Variants in CRYBG3 observed in about 807,000 individuals in gnomAD.
CRYBG3 encodes the protein very large A-kinase anchor protein.
In CRYBG3, 127 loss-of-function variants were observed where a neutral mutation model predicts 244.2. The ratio of observed to expected loss-of-function variants is 0.52; its 90% CI spans 0.45 to 0.60. CRYBG3 has a LOEUF of 0.60. Ranked by LOEUF, CRYBG3 falls within the 20% of genes least tolerant of loss-of-function variation. CRYBG3 has a pLI of 0.00. For missense variants in CRYBG3, 3,325 were observed against 3,442.5 expected (o/e 0.97, Z 0.85); for synonymous variants, 1,132 against 1,195.8 (o/e 0.95, Z 1.10).
At chr3:97,837,583 A>G (rs2038752226) in intron 1 of CRYBG3, among the ~76,000 whole-genome samples, 1 of 152,120 alleles carries the variant, frequency 6.6e-6, no homozygotes, top group Admixed American at 6.6e-5. Context: ...GGGGTTGGAA[A>G]CAAAGGAGAG....
At position 97,868,009 on chromosome 3, in the gene CRYBG3, G is replaced by A. The variant is rs528723419; in HGVS notation, c.647+3362G>A. On this transcript the variant is annotated intron_variant, in intron 3 of 21. Transcript: ENST00000389622. Reference sequence around the variant, plus strand: ...TAAGATTATTTAATTTGTTGGGCACGGCGGTGGCTCACGCCTGTAATCCCA... The same window carrying A: ...TAAGATTATTTAATTTGTTGGGCACAGCGGTGGCTCACGCCTGTAATCCCA... Among the ~76,000 whole-genome samples the A allele has an allele frequency of 4.6e-5, 7 of 152,204 alleles. No individual in the cohort carries two copies. In the South Asian group the frequency reaches 1.2e-3, roughly 27 times the overall value.
At position 97,935,762 on chromosome 3, in the gene CRYBG3, C is replaced by G. The variant is rs151208540; in HGVS notation, c.8382-1023C>G. ...TCCTAAGCCCTGGATGACCCTGTTCCTGAGCTCTGGTCCATCTGATAAGCA... is the reference window on the plus strand; with the variant it reads ...TCCTAAGCCCTGGATGACCCTGTTCGTGAGCTCTGGTCCATCTGATAAGCA... On this transcript the variant is annotated intron_variant, in intron 18 of 21. Transcript: ENST00000389622. Among the ~76,000 whole-genome samples, 6 of 152,156 alleles carry G rather than the reference C, an allele frequency of 3.9e-5. No homozygotes were observed. In the East Asian group the frequency reaches 1.2e-3, roughly 30 times the overall value.
At chr3:97,900,920 A>G (rs571234375) in intron 15 of CRYBG3, among the ~76,000 whole-genome samples, 99 of 152,158 alleles carry the variant, frequency 6.5e-4, no homozygotes, top group Admixed American at 2.1e-3. Context: ...TGAACTTGAA[A>G]CCCTATATTC....
chr3:97,925,709 TG>T (rs2040033245), intron 17 of CRYBG3, among the ~76,000 whole-genome samples: 1 of 152,044 alleles, frequency 6.6e-6, no homozygotes, highest in South Asian at 2.1e-4. Context: ...CTGGGGGTGG[TG>T]GGAGTTTAAA....
chr3:97,941,354 AT>A, intron 20 of CRYBG3, 48 bp downstream of exon 20: 1 of 1,421,762 alleles, frequency 7.0e-7, no homozygotes, highest in Non-Finnish European at 9.4e-7. Flanking sequence ...TCTGTTTTTT[AT>A]TTTGAAAACT....
chr3:97,877,546 A>T lies in CRYBG3; in HGVS notation c.6352A>T (p.Asn2118Tyr). ...HGPRKSRDSE[N>Y]QSSSVLSLLQ... ...CCCCAGGAAATCAAGAGACAGTGAA[A>T]ACCAGTCCTCTTCTGTTTTATCCCT... The change falls in exon 4 of 22, where the codon AAC (asparagine) becomes TAC (tyrosine). Residue 2118 changes from asparagine (N) to tyrosine (Y), a missense_variant. Around this residue, in one of 4 missense-constraint regions of CRYBG3, gnomAD observed 450 missense variants for 424.1 expected, o/e 1.06. Coordinates refer to ENST00000389622, the MANE Select transcript of CRYBG3 (RefSeq NM_153605.4). 6.2e-7 allele frequency: 1 copy of T among 1,614,128 alleles called. No individual in the cohort carries two copies. The highest frequency in any genetic ancestry group is 8.5e-7 in the Non-Finnish European group (1 of 1,180,016).
intron 3 of CRYBG3, among the ~76,000 whole-genome samples, chr3:97,869,086 CTTACATA>C (rs2039271089): frequency 6.6e-6 from 1 of 151,454 alleles, no homozygotes; most frequent in Non-Finnish European, 1.5e-5. Context: ...TTCTGAATAA[CTTACATA>C]TTTTGATATG....
chr3:97,841,407 C>T (rs567290336), intron 1 of CRYBG3, among the ~76,000 whole-genome samples: 3 of 151,456 alleles, frequency 2.0e-5, no homozygotes, highest in South Asian at 2.1e-4. Flanking sequence ...TAGCGGTATC[C>T]GTTTGGTCCA....
At chr3:97,845,763 A>G (rs2038891961) in intron 2 of CRYBG3, among the ~76,000 whole-genome samples, 1 of 152,054 alleles carries the variant, frequency 6.6e-6, no homozygotes, top group Admixed American at 6.6e-5. Flanking sequence ...CTATCCCTCC[A>G]TCTTCACTGG....
At chr3:97,915,797 C>T in intron 17 of CRYBG3, 61 bp downstream of exon 17, 1 of 1,265,190 alleles carries the variant, frequency 7.9e-7, no homozygotes, top group Non-Finnish European at 1.1e-6. Flanking sequence ...TTAATTACCA[C>T]CAATGATAAT....
chr3:97,882,726 T>C (rs922440495), intron 7 of CRYBG3, among the ~76,000 whole-genome samples: 2 of 152,242 alleles, frequency 1.3e-5, no homozygotes, highest in Non-Finnish European at 2.9e-5. Context: ...ACTATCATGA[T>C]GACTTGGATT....
In CRYBG3 at chr3:97,880,042, C is replaced by T; in HGVS notation, c.6946C>T (p.Pro2316Ser). 6.2e-7 allele frequency: 1 copy of T among 1,604,026 alleles called. No individual in the cohort carries two copies. Among genetic ancestry groups the T allele is most frequent in the Non-Finnish European group, 8.5e-7 (1 of 1,173,190 alleles). ...TYKQEVYCNI[P>S]DATSWSFPNG... is the part of the protein sequence containing the mutation. ...TAAACAAGAAGTCTACTGTAATATTCCTGATGCTACATCATGGTCTTTTCC... is the reference window on the plus strand; with the variant it reads ...TAAACAAGAAGTCTACTGTAATATTTCTGATGCTACATCATGGTCTTTTCC... Residue 2316 changes from proline to serine, a missense_variant, in exon 6 of 22, where the codon CCT becomes TCT. By Grantham distance (74) the Pro-to-Ser change is moderately conservative. Transcript: ENST00000389622.
At chr3:97,832,886 C>G (rs1036014114) in intron 1 of CRYBG3, among the ~76,000 whole-genome samples, 2 of 151,814 alleles carry the variant, frequency 1.3e-5, no homozygotes, top group Admixed American at 1.3e-4. Flanking sequence ...AAAACAACCC[C>G]ATCAAAAAGT....
In CRYBG3 at chr3:97,877,371, T is replaced by A; in HGVS notation, c.6177T>A (p.Gly2059=). ...VHHFEKGTKL[G]ETFDSDSSEM... ...ACTTTGAAAAAGGTACTAAATTAGGTGAGACATTTGATAGTGATAGTTCAG... is the reference window on the plus strand; with the variant it reads ...ACTTTGAAAAAGGTACTAAATTAGGAGAGACATTTGATAGTGATAGTTCAG... Residue 2059 remains glycine (G), a synonymous_variant, in exon 4 of 22, where the codon GGT becomes GGA. Transcript: ENST00000389622. 2 of 1,613,988 alleles carry A rather than the reference T, an allele frequency of 1.2e-6. No individual in the cohort carries two copies. Among genetic ancestry groups the A allele is most frequent in the Non-Finnish European group, 1.7e-6 (2 of 1,179,910 alleles).
intron 1 of CRYBG3, among the ~76,000 whole-genome samples, chr3:97,837,693 A>T (rs1159578433): frequency 6.6e-6 from 1 of 152,110 alleles, no homozygotes; most frequent in Non-Finnish European, 1.5e-5. Flanking sequence ...GGAATACTTT[A>T]TGTTAAGTGA....
intron 1 of CRYBG3, among the ~76,000 whole-genome samples, chr3:97,826,794 A>G (rs962102989): frequency 2.0e-5 from 3 of 152,228 alleles, no homozygotes; most frequent in African/African-American, 4.8e-5. Flanking sequence ...GAATTCACAC[A>G]TTAATGGAGG....
At position 97,877,807 on chromosome 3, in the gene CRYBG3, A is replaced by G. The variant is rs759858687; in HGVS notation, c.6613A>G (p.Thr2205Ala). The G allele has an allele frequency of 6.8e-6, 11 of 1,613,800 alleles. No homozygotes were observed. The highest frequency in any genetic ancestry group is 6.7e-5 in the East Asian group (3 of 44,862). The change falls in exon 4 of 22, where the codon ACC (threonine) becomes GCC (alanine). Residue 2205 changes from threonine to alanine, a missense_variant. By Grantham distance (58) the Thr-to-Ala change is moderately conservative (BLOSUM62 0). Transcript: ENST00000389622. ...NSYVMPNEPT[T>A]SNLQVGLWPE... ...ATATGTGATGCCAAATGAACCTACTACCTCCAATCTGCAAGTTGGTCTGTG... is the reference window on the plus strand; with the variant it reads ...ATATGTGATGCCAAATGAACCTACTGCCTCCAATCTGCAAGTTGGTCTGTG...
intron 15 of CRYBG3, among the ~76,000 whole-genome samples, chr3:97,910,007 G>A (rs1159184312): frequency 2.6e-5 from 4 of 151,488 alleles, no homozygotes; most frequent in Non-Finnish European, 4.4e-5. Context: ...ATACCCTGCC[G>A]TGTGAGGTGT....
At chr3:97,935,151 C>G (rs1475301722) in intron 18 of CRYBG3, among the ~76,000 whole-genome samples, 1 of 152,088 alleles carries the variant, frequency 6.6e-6, no homozygotes, top group Admixed American at 6.5e-5. Context: ...AATCCCCATG[C>G]TATGCCACAT....
Sources: gnomAD v4.1 joint callset for allele counts (sites outside exome capture counted in the v4.1 genomes callset) on GRCh38, gnomAD v4.1.1 for gene constraint, gnomAD v4.1.1 regional missense constraint, MANE v1.5 for transcripts, NCBI Gene and HGNC (gene_info 2026-07-23, HGNC 2026-07-21) for gene names.